The following EPHB1 variants were observed in gnomAD, a reference collection of about 807,000 sequenced individuals.
EPHB1 encodes the protein ephrin type-B receptor 1.
In EPHB1, 30 loss-of-function variants were observed where a neutral mutation model predicts 94.4. The observed-to-expected ratio is 0.32, with a 90% CI of 0.24 to 0.43. EPHB1 has a LOEUF of 0.43. Ranked by LOEUF, EPHB1 falls within the 20% of genes least tolerant of loss-of-function variation. EPHB1 has a pLI of 1.00. For synonymous variants in EPHB1, 522 were observed against 489.1 expected, an observed-to-expected ratio of 1.07 and a Z score of -0.89; for missense variants, 1,055 against 1,308.3, an observed-to-expected ratio of 0.81 and a Z score of 2.99.
intron 15 of EPHB1, among the ~76,000 whole-genome samples, chr3:135,251,665 G>GTATT (rs1286066314): frequency 3.9e-5 from 6 of 152,182 alleles, no homozygotes; most frequent in Non-Finnish European, 5.9e-5. Context: ...CTTCCCTAAA[G>GTATT]TATTTGCCAA....
intron 2 of EPHB1, among the ~76,000 whole-genome samples, chr3:134,950,751 T>C (rs138077509): frequency 6.6e-6 from 1 of 152,308 alleles, no homozygotes; most frequent in East Asian, 1.9e-4. Flanking sequence ...ACCTCCAACA[T>C]TGGGAATCAC....
At chr3:135,166,187 A>G in intron 8 of EPHB1, 111 bp downstream of exon 8, 1 of 737,510 alleles carries the variant, frequency 1.4e-6, no homozygotes, top group South Asian at 1.6e-5. Flanking sequence ...GACCACAATC[A>G]TCACTCCATC....
intron 4 of EPHB1, among the ~76,000 whole-genome samples, chr3:135,110,233 G>A (rs1939385433): frequency 6.6e-6 from 1 of 152,196 alleles, no homozygotes; most frequent in Non-Finnish European, 1.5e-5. Context: ...GGATCACAGA[G>A]GCAAGCTAGT....
At chr3:135,097,244 G>T (rs1335541209) in intron 3 of EPHB1, among the ~76,000 whole-genome samples, 1 of 145,256 alleles carries the variant, frequency 6.9e-6, no homozygotes, top group African/African-American at 2.6e-5. Context: ...TGAGAACCTG[G>T]CCTAGATCAC....
intron 3 of EPHB1, among the ~76,000 whole-genome samples, chr3:135,044,866 G>GT (rs146417461): frequency 0.018 from 2,703 of 152,148 alleles, 90 homozygotes; most frequent in African/African-American, 0.063. Flanking sequence ...GTATAGAAAT[G>GT]TTTTTTCCAA....
intron 1 of EPHB1, among the ~76,000 whole-genome samples, chr3:134,826,014 G>A (rs1351837917): frequency 6.6e-6 from 1 of 151,610 alleles, no homozygotes; most frequent in Non-Finnish European, 1.5e-5. Flanking sequence ...GGCTGAGGCA[G>A]GTGGATCACG....
intron 1 of EPHB1, among the ~76,000 whole-genome samples, chr3:134,854,714 A>T (rs534051809): frequency 1.3e-5 from 2 of 152,274 alleles, no homozygotes; most frequent in Admixed American, 6.5e-5. Context: ...CTGCTATAAA[A>T]TTGAGCTCCA....
intron 4 of EPHB1, among the ~76,000 whole-genome samples, chr3:135,122,857 C>G (rs993637879): frequency 4.6e-5 from 7 of 152,176 alleles, no homozygotes; most frequent in African/African-American, 1.7e-4. Flanking sequence ...TTTGACTAAT[C>G]ATTTCTTCTT....
chr3:135,031,261 A>G (rs1317400456), intron 3 of EPHB1, among the ~76,000 whole-genome samples: 1 of 152,086 alleles, frequency 6.6e-6, no homozygotes, highest in Non-Finnish European at 1.5e-5. Flanking sequence ...AGAAGGTTAC[A>G]AAGAATCCCT....
intron 3 of EPHB1, among the ~76,000 whole-genome samples, chr3:135,088,874 A>T (rs1938457985): frequency 6.6e-6 from 1 of 152,246 alleles, no homozygotes; most frequent in African/African-American, 2.4e-5. Context: ...TCATTTTATA[A>T]TAGAAAATAT....
At chr3:135,127,501 A>C (rs1455678628) in intron 4 of EPHB1, among the ~76,000 whole-genome samples, 2 of 152,142 alleles carry the variant, frequency 1.3e-5, no homozygotes, top group African/African-American at 4.8e-5. Context: ...AGCAATGCAC[A>C]ATGAGCTAGA....
At chr3:135,241,333 C>G in intron 13 of EPHB1, 36 bp downstream of exon 13, 1 of 1,611,892 alleles carries the variant, frequency 6.2e-7, no homozygotes, top group Non-Finnish European at 8.5e-7. Flanking sequence ...CACAAACCCC[C>G]ATTGAAGGGA....
At chr3:135,257,954 C>A (rs1296985002) in intron 15 of EPHB1, among the ~76,000 whole-genome samples, 1 of 152,118 alleles carries the variant, frequency 6.6e-6, no homozygotes, top group Non-Finnish European at 1.5e-5. Context: ...GTGCAGTATT[C>A]GGGTGGGAGT....
At chr3:134,976,834 T>A (rs559716545) in intron 3 of EPHB1, among the ~76,000 whole-genome samples, 2 of 152,286 alleles carry the variant, frequency 1.3e-5, no homozygotes, top group East Asian at 3.9e-4. Context: ...GCAGCTCAGA[T>A]AAATCTCTTG....
rs997753636 is a variant in EPHB1 at position 135,092,284 on chromosome 3, G to T, written c.806-14164G>T. Among the ~76,000 whole-genome samples the T allele has an allele frequency of 3.3e-5, 5 of 152,292 alleles. No homozygotes were observed. In the East Asian group the frequency reaches 9.7e-4, roughly 29 times the overall value. Reference sequence around the variant, plus strand: ...ACCCAAGAAGGATAAATGACCTGGGGCTCTCAGAGTGACCAAAGTGATGGG... The same window carrying T: ...ACCCAAGAAGGATAAATGACCTGGGTCTCTCAGAGTGACCAAAGTGATGGG... On this transcript the variant is annotated intron_variant, in intron 3 of 15. Transcript: ENST00000398015.
At chr3:134,967,659 C>T (rs1396033377) in intron 3 of EPHB1, among the ~76,000 whole-genome samples, 1 of 152,168 alleles carries the variant, frequency 6.6e-6, no homozygotes, top group African/African-American at 2.4e-5. Flanking sequence ...AGATGTAGCA[C>T]CTTGACCTTG....
intron 3 of EPHB1, among the ~76,000 whole-genome samples, chr3:135,050,065 G>C (rs2107770698): frequency 6.6e-6 from 1 of 152,326 alleles, no homozygotes; most frequent in African/African-American, 2.4e-5. Context: ...GTCATGTGCA[G>C]TTTGTTTCCT....
chr3:135,111,900 G>C (rs999038572), intron 4 of EPHB1, among the ~76,000 whole-genome samples: 1 of 152,090 alleles, frequency 6.6e-6, no homozygotes, highest in Non-Finnish European at 1.5e-5. Context: ...GGCTGGTCTC[G>C]AACTCCTGAC....
At chr3:134,941,754 C>CACACAG (rs1237990199) in intron 2 of EPHB1, among the ~76,000 whole-genome samples, 2 of 33,602 alleles carry the variant, frequency 6.0e-5, no homozygotes, top group Non-Finnish European at 1.5e-4. Flanking sequence ...TGCACACAGA[C>CACACAG]ACACACACAC....
Sources: gnomAD v4.1 joint callset for allele counts (sites outside exome capture counted in the v4.1 genomes callset) on GRCh38, gnomAD v4.1.1 for gene constraint, MANE v1.5 for transcripts, NCBI Gene and HGNC (gene_info 2026-07-23, HGNC 2026-07-21) for gene names.